The following PPM1B variants were observed in gnomAD, a reference collection of about 807,000 sequenced individuals.
PPM1B encodes the protein protein phosphatase 1B.
A neutral mutation model predicts 43.0 loss-of-function variants in PPM1B; 22 were observed. The ratio of observed to expected loss-of-function variants is 0.51; its 90% CI spans 0.37 to 0.73. The LOEUF is 0.73. Among genes scored for constraint, PPM1B ranks in the 30% least tolerant of loss-of-function variants. PPM1B has a pLI of 0.00. For synonymous variants in PPM1B, 217 were observed against 197.9 expected (o/e 1.10, Z -0.81); for missense variants, 632 against 584.2 (o/e 1.08, Z -0.84).
At chr2:44,198,426 G>A (rs1668766177) in intron 1 of PPM1B, among the ~76,000 whole-genome samples, 1 of 152,182 alleles carries the variant, frequency 6.6e-6, no homozygotes, top group Non-Finnish European at 1.5e-5. Flanking sequence ...CTCCCAAAGT[G>A]TTGGGATTAC....
intron 3 of PPM1B, among the ~76,000 whole-genome samples, chr2:44,210,759 A>G (rs1189194016): frequency 6.6e-6 from 1 of 152,062 alleles, no homozygotes; most frequent in Admixed American, 6.5e-5. Context: ...AGCCAAATCA[A>G]TTGAAAGTTG....
chr2:44,232,558 G>A (rs1572762725), downstream of PPM1B: 4 of 1,398,768 alleles, frequency 2.9e-6, no homozygotes, highest in East Asian at 1.1e-4. Flanking sequence ...AGTATTTTTT[G>A]CCAACCTCAG....
intron 1 of PPM1B, among the ~76,000 whole-genome samples, chr2:44,179,834 CT>C (rs1340030769): frequency 6.6e-6 from 1 of 151,976 alleles, no homozygotes; most frequent in Non-Finnish European, 1.5e-5. Context: ...CATGGTGAAA[CT>C]CCGTCTCTAC....
downstream of PPM1B, among the ~76,000 whole-genome samples, chr2:44,245,303 A>T (rs1670835758): frequency 6.7e-6 from 1 of 148,160 alleles, no homozygotes; most frequent in South Asian, 2.2e-4. Context: ...TAAAATCTCA[A>T]AGCTGAGAAA....
chr2:44,184,747 T>C (rs909447256), intron 1 of PPM1B, among the ~76,000 whole-genome samples: 2 of 152,084 alleles, frequency 1.3e-5, no homozygotes, highest in Non-Finnish European at 1.5e-5. Flanking sequence ...CAGACCCACA[T>C]AGGGATCTAT....
chr2:44,244,820 GATATATAT>G, downstream of PPM1B, among the ~76,000 whole-genome samples: 1 of 129,916 alleles, frequency 7.7e-6, no homozygotes, highest in Admixed American at 7.7e-5. Flanking sequence ...AATTACTTGA[GATATATAT>G]ATATATATAT....
chr2:44,192,397 G>A (rs942162697), intron 1 of PPM1B, among the ~76,000 whole-genome samples: 7 of 152,032 alleles, frequency 4.6e-5, no homozygotes, highest in African/African-American at 1.7e-4. Flanking sequence ...TGTATTTTCA[G>A]TAGAGATGGG....
intron 1 of PPM1B, among the ~76,000 whole-genome samples, chr2:44,199,849 T>C (rs1388771617): frequency 6.6e-6 from 1 of 152,256 alleles, no homozygotes; most frequent in Non-Finnish European, 1.5e-5. Flanking sequence ...ATGTAACTTA[T>C]AAATATTTAC....
chr2:44,181,297 A>G (rs1369379342), intron 1 of PPM1B, among the ~76,000 whole-genome samples: 4 of 152,194 alleles, frequency 2.6e-5, no homozygotes, highest in Non-Finnish European at 1.5e-5. Context: ...CTAGCTAAAT[A>G]AAGTAGAAAA....
At chr2:44,178,111 G>A (rs1667675220) in intron 1 of PPM1B, among the ~76,000 whole-genome samples, 2 of 151,448 alleles carry the variant, frequency 1.3e-5, no homozygotes, top group African/African-American at 4.8e-5. Context: ...GTAGAGATGA[G>A]GTTTCACCAT....
intron 1 of PPM1B, among the ~76,000 whole-genome samples, chr2:44,187,164 A>G (rs566725734): frequency 1.3e-5 from 2 of 152,190 alleles, no homozygotes; most frequent in Admixed American, 6.5e-5. Context: ...TAGATACCCC[A>G]TGTAAGTGGA....
chr2:44,193,847 G>T (rs1668525383), intron 1 of PPM1B, among the ~76,000 whole-genome samples: 1 of 152,060 alleles, frequency 6.6e-6, no homozygotes, highest in Non-Finnish European at 1.5e-5. Context: ...CCACAGTGCT[G>T]GGATTACAGG....
At chr2:44,215,427 C>T (rs889784423) in intron 3 of PPM1B, among the ~76,000 whole-genome samples, 2 of 151,804 alleles carry the variant, frequency 1.3e-5, no homozygotes, top group Non-Finnish European at 2.9e-5. Context: ...CACTGCACTC[C>T]AGCCTGGGCC....
At chr2:44,223,688 C>T (rs1422967763) in intron 5 of PPM1B, among the ~76,000 whole-genome samples, 3 of 151,130 alleles carry the variant, frequency 2.0e-5, no homozygotes, top group Admixed American at 6.6e-5. Context: ...TGGTGGTGGG[C>T]GCCTGTAGTC....
At chr2:44,203,622 G>A (rs1455175495) in intron 2 of PPM1B, among the ~76,000 whole-genome samples, 2 of 152,088 alleles carry the variant, frequency 1.3e-5, no homozygotes, top group Non-Finnish European at 2.9e-5. Flanking sequence ...CTGCCTGTGA[G>A]TGTGTGTATT....
chr2:44,195,599 G>A (rs1246092939), intron 1 of PPM1B, among the ~76,000 whole-genome samples: 1 of 152,082 alleles, frequency 6.6e-6, no homozygotes, highest in Non-Finnish European at 1.5e-5. Flanking sequence ...ATTGCTGGAC[G>A]CCAGGAGTTC....
Position 44,201,334 on chromosome 2 carries a change from T to C in PPM1B, c.135T>C (p.Gly45=). ...AAGATGCACACACAGCTGTTGTAGG[T>C]ATTCCTCACGGCTTGGAAGACTGGT... The part of the protein sequence containing the change: ...EMEDAHTAVV[G]IPHGLEDWSF... Residue 45 remains glycine, a synonymous_variant, in exon 2 of 6, where the codon GGT becomes GGC. Coordinates refer to ENST00000282412, the MANE Select transcript of PPM1B (RefSeq NM_002706.6). This position sits in a 1 kb window ranked among gnomAD's most constrained non-coding sequence, Gnocchi z 5.4. The C allele has an allele frequency of 1.2e-6, 2 of 1,614,136 alleles. No individual in the cohort carries two copies. Among genetic ancestry groups the C allele is most frequent in the Non-Finnish European group, 1.7e-6 (2 of 1,180,012 alleles).
rs566508514 is a variant in PPM1B at position 44,226,932 on chromosome 2, TTTTATTTATTTA to T, written c.1135-3451_1135-3440del. 7.2e-3 allele frequency among the ~76,000 whole-genome samples: 967 copies of T among 135,014 alleles called. 7 individuals carry two copies. The highest frequency in any genetic ancestry group is 0.024 in the African/African-American group (898 of 37,144). 88.6% of individuals were successfully genotyped at this position (135,014 alleles called of 152,430 possible). The stretch of plus-strand genomic sequence containing the variant: ...CCTGAATAGATTAAAATGGGAAACT[TTTTATTTATTTA>T]TTTATTTATTTATTTATTTATTTAT... On this transcript the variant is annotated intron_variant, in intron 5 of 5. Coordinates refer to ENST00000282412, the MANE Select transcript of PPM1B (RefSeq NM_002706.6).
At chr2:44,189,011 G>A (rs191388533) in intron 1 of PPM1B, among the ~76,000 whole-genome samples, 1 of 152,072 alleles carries the variant, frequency 6.6e-6, no homozygotes, top group African/African-American at 2.4e-5. Context: ...TGGGACTACA[G>A]GCATGCCGCC....
Sources: gnomAD v4.1 joint callset for allele counts (sites outside exome capture counted in the v4.1 genomes callset) on GRCh38, gnomAD v4.1.1 for gene constraint, Gnocchi (gnomAD v3.1) non-coding constraint, MANE v1.5 for transcripts, NCBI Gene and HGNC (gene_info 2026-07-23, HGNC 2026-07-21) for gene names.